EML5: variants seen among roughly 807,000 people sequenced by gnomAD.
EML5 encodes EMAP like 5.
A neutral mutation model predicts 250.0 loss-of-function variants in EML5; 120 were observed. That is an observed-to-expected ratio of 0.48 (90% CI 0.41 to 0.56). EML5 has a LOEUF of 0.56. EML5 is among the 20% of genes least tolerant of loss of function. EML5 has a pLI of 0.00. For missense variants in EML5, 2,006 were observed against 2,437.6 expected (o/e 0.82, Z 3.73); for synonymous variants, 771 against 806.5 (o/e 0.96, Z 0.75).
chr14:88,746,392 A>G (rs1037582256), intron 2 of EML5, 109 bp from the exon 3 acceptor site: 2 of 829,366 alleles, frequency 2.4e-6, no homozygotes, highest in Non-Finnish European at 3.8e-6. Flanking sequence ...TATAAACATA[A>G]AACATATATG....
chr14:88,738,284 A>T (rs924990486), intron 6 of EML5, among the ~76,000 whole-genome samples: 7 of 152,114 alleles, frequency 4.6e-5, no homozygotes, highest in African/African-American at 1.4e-4. Flanking sequence ...CCTTATTTAC[A>T]GTGAGGGTAA....
At chr14:88,714,414 T>C (rs1332194233) in intron 9 of EML5, among the ~76,000 whole-genome samples, 1 of 151,998 alleles carries the variant, frequency 6.6e-6, no homozygotes, top group Non-Finnish European at 1.5e-5. Flanking sequence ...GGGGTGGATA[T>C]AAGGAGATAT....
At chr14:88,708,769 T>C (rs963816527) in intron 10 of EML5, among the ~76,000 whole-genome samples, 2 of 152,154 alleles carry the variant, frequency 1.3e-5, no homozygotes, top group Non-Finnish European at 2.9e-5. Flanking sequence ...TTCTCAGTTT[T>C]AAATGTAAAT....
rs778911919 is a variant in EML5 at position 88,638,956 on chromosome 14, A to G, written c.4238-49T>C. On this transcript the variant is annotated intron_variant, in intron 31 of 43. Coordinates refer to ENST00000554922, the MANE Select transcript of EML5 (RefSeq NM_183387.3). ...AAGTTTGAAAATTTTAAGATGTAAC[A>G]GCCAAAAGCACTTACCCAGAACAAT... is the stretch of plus-strand genomic sequence containing the variant. The G allele has an allele frequency of 2.3e-5, 32 of 1,388,686 alleles. 1 individual carries two copies. In the South Asian group the frequency reaches 4.1e-4, roughly 18 times the overall value. The allele number at this position is 1,388,686 out of a possible 1,614,324, so 86.0% of individuals were successfully genotyped here.
chr14:88,622,436 G>A, intron 37 of EML5, 168 bp downstream of exon 37: 1 of 483,572 alleles, frequency 2.1e-6, no homozygotes, highest in South Asian at 5.4e-5. Flanking sequence ...GCACCACACT[G>A]GTGCTAACTT....
chr14:88,627,435 G>T, intron 34 of EML5: 1 of 519,440 alleles, frequency 1.9e-6, no homozygotes, highest in South Asian at 3.2e-5. Context: ...GCTAATAATG[G>T]TTTCATTAAT....
At chr14:88,751,160 C>T (rs778623099) in intron 2 of EML5, among the ~76,000 whole-genome samples, 2 of 152,162 alleles carry the variant, frequency 1.3e-5, no homozygotes, top group Non-Finnish European at 1.5e-5. Flanking sequence ...GCATAGATTA[C>T]GCAACAACAG....
Position 88,760,498 on chromosome 14 carries a change from C to G in EML5, c.198-5827G>C, listed in dbSNP as rs190067743. Among the ~76,000 whole-genome samples the G allele has an allele frequency of 1.5e-3, 229 of 152,160 alleles. 1 individual carries two copies. Among genetic ancestry groups the G allele is most frequent in the Non-Finnish European group, 1.9e-3 (126 of 67,980 alleles). On this transcript the variant is annotated intron_variant, in intron 1 of 43. Coordinates refer to ENST00000554922, the MANE Select transcript of EML5 (RefSeq NM_183387.3). The stretch of plus-strand genomic sequence containing the variant: ...TATATTACTTTTCCACAAATTGCAC[C>G]CTGTATTTTACACCATTAACCTATG...
intron 27 of EML5, among the ~76,000 whole-genome samples, chr14:88,651,616 T>A (rs1018633990): frequency 6.6e-6 from 1 of 152,232 alleles, no homozygotes; most frequent in South Asian, 2.1e-4. Context: ...TTCTTCCCCA[T>A]AGAACACTTT....
chr14:88,745,685 T>C (rs1446630394), intron 3 of EML5, among the ~76,000 whole-genome samples: 1 of 152,210 alleles, frequency 6.6e-6, no homozygotes, highest in African/African-American at 2.4e-5. Context: ...AATGGGTGTC[T>C]GCATATGTCA....
At chr14:88,632,507 C>T (rs1157737096) in intron 33 of EML5, among the ~76,000 whole-genome samples, 1 of 152,220 alleles carries the variant, frequency 6.6e-6, no homozygotes, top group African/African-American at 2.4e-5. Flanking sequence ...TCCCTCTCTA[C>T]ATTCATCTCA....
chr14:88,725,922 T>G (rs1488340305), intron 8 of EML5, among the ~76,000 whole-genome samples: 1 of 152,164 alleles, frequency 6.6e-6, no homozygotes, highest in Non-Finnish European at 1.5e-5. Context: ...GTTTCTGAAT[T>G]GAGCAACTGA....
chr14:88,746,243 C>A lies in EML5; in HGVS notation c.398G>T (p.Cys133Phe), dbSNP rs753548167. 6.2e-7 allele frequency: 1 copy of A among 1,613,310 alleles called. No homozygotes were observed. Among genetic ancestry groups the A allele is most frequent in the African/African-American group, 1.3e-5 (1 of 74,874 alleles). ...TTTTCCCCTTTTCCAGTCCCAAACA[C>A]AAACTGCATTCTTTGAATCAAGTCC... ...SVGLDSKNAV[C>F]VWDWKRGKML... is the part of the protein sequence containing the mutation. Residue 133 changes from cysteine to phenylalanine, a missense_variant, in exon 3 of 44, where the codon TGT becomes TTT. Cys to Phe is a radical substitution (Grantham distance 205). Transcript: ENST00000554922.
chr14:88,630,782 C>G (rs561709852), intron 33 of EML5, among the ~76,000 whole-genome samples: 1 of 152,294 alleles, frequency 6.6e-6, no homozygotes, highest in African/African-American at 2.4e-5. Context: ...CACTGGATAA[C>G]AGCAAGGAAG....
At chr14:88,744,845 G>A (rs2093981125) in intron 3 of EML5, among the ~76,000 whole-genome samples, 1 of 151,924 alleles carries the variant, frequency 6.6e-6, no homozygotes, top group African/African-American at 2.4e-5. Flanking sequence ...ATACTAAAAT[G>A]TACACTTCAC....
chr14:88,657,990 T>C (rs1311637955), intron 26 of EML5, among the ~76,000 whole-genome samples, 197 bp downstream of exon 26: 2 of 152,224 alleles, frequency 1.3e-5, no homozygotes, highest in African/African-American at 4.8e-5. Flanking sequence ...CATTTGTAGA[T>C]AAATAATATC....
At chr14:88,726,775 C>G (rs1271659020) in intron 7 of EML5, 97 bp from the exon 8 acceptor site, 1 of 857,512 alleles carries the variant, frequency 1.2e-6, no homozygotes, top group Non-Finnish European at 1.7e-6. Flanking sequence ...TAAGATAAAT[C>G]TAGATATCTT....
intron 3 of EML5, among the ~76,000 whole-genome samples, chr14:88,745,663 T>G (rs1415645933): frequency 6.6e-6 from 1 of 152,160 alleles, no homozygotes; most frequent in Non-Finnish European, 1.5e-5. Flanking sequence ...ATTTTTAAAT[T>G]GAGATTTGAA....
intron 17 of EML5, among the ~76,000 whole-genome samples, 187 bp from the exon 18 acceptor site, chr14:88,688,660 C>A (rs2092892586): frequency 6.6e-6 from 1 of 152,130 alleles, no homozygotes; most frequent in African/African-American, 2.4e-5. Context: ...GCATTTAGAC[C>A]ATAACTTTTT....
Sources: allele counts gnomAD v4.1 joint callset (sites outside exome capture counted in the v4.1 genomes callset), GRCh38; gene constraint gnomAD v4.1.1; transcripts MANE v1.5; gene names NCBI Gene and HGNC (gene_info 2026-07-23, HGNC 2026-07-21).